LDLRAD4: variants seen among roughly 807,000 people sequenced by gnomAD.
LDLRAD4 encodes low density lipoprotein receptor class A domain containing 4, also known as low-density lipoprotein receptor class A domain-containing protein 4.
In LDLRAD4, 5 loss-of-function variants were observed where a neutral mutation model predicts 17.0. The ratio of observed to expected loss-of-function variants is 0.29; its 90% confidence interval spans 0.15 to 0.62. LDLRAD4 has a LOEUF of 0.62. LDLRAD4 is among the 20% of genes least tolerant of loss of function. LDLRAD4 has a pLI of 0.84. For synonymous variants in LDLRAD4, 168 were observed against 171.8 expected (o/e 0.98, Z 0.17); for missense variants, 340 against 424.7 (o/e 0.80, Z 1.75).
chr18:13,642,067 C>T (rs903739433), intron 4 of LDLRAD4: 2 of 985,458 alleles, frequency 2.0e-6, no homozygotes, highest in Non-Finnish European at 2.4e-6. Context: ...AGGCCGGGCC[C>T]TTCCCTCCCG....
intron 3 of LDLRAD4, among the ~76,000 whole-genome samples, chr18:13,510,240 G>A (rs2093756472): frequency 1.3e-5 from 2 of 152,138 alleles, no homozygotes; most frequent in East Asian, 1.9e-4. Context: ...TAGCCTCTCC[G>A]TGGTTAGATC....
chr18:13,431,178 G>A (rs1189073776), intron 2 of LDLRAD4, among the ~76,000 whole-genome samples: 1 of 152,148 alleles, frequency 6.6e-6, no homozygotes, highest in African/African-American at 2.4e-5. Flanking sequence ...TTATTAAAGT[G>A]ACCCCAGCAT....
chr18:13,626,224 G>C (rs892812447), intron 4 of LDLRAD4, among the ~76,000 whole-genome samples: 3 of 152,170 alleles, frequency 2.0e-5, no homozygotes, highest in African/African-American at 7.2e-5. Flanking sequence ...AGCCTGGTTT[G>C]TGTGACTTCT....
intron 3 of LDLRAD4, among the ~76,000 whole-genome samples, chr18:13,620,509 A>G (rs1601756515): frequency 1.3e-5 from 2 of 152,160 alleles, no homozygotes; most frequent in African/African-American, 2.4e-5. Context: ...GGTCTGGCTC[A>G]CCTGCTTCCA....
At chr18:13,293,672 C>CT (rs1251328796) in intron 1 of LDLRAD4, among the ~76,000 whole-genome samples, 11 of 152,322 alleles carry the variant, frequency 7.2e-5, no homozygotes, top group African/African-American at 2.4e-4. Flanking sequence ...TTTACAAAGT[C>CT]TGACTGTCTC....
chr18:13,612,027 C>T, intron 3 of LDLRAD4: 1 of 985,514 alleles, frequency 1.0e-6, no homozygotes. Context: ...GCACGCGAGC[C>T]TAACGTGAGC....
At chr18:13,403,453 C>T (rs2087414247) in intron 2 of LDLRAD4, among the ~76,000 whole-genome samples, 1 of 152,176 alleles carries the variant, frequency 6.6e-6, no homozygotes, top group African/African-American at 2.4e-5. Flanking sequence ...CATCTGAGAA[C>T]AGATAGCAAA....
chr18:13,452,254 AGG>A (rs2091881334), intron 3 of LDLRAD4, among the ~76,000 whole-genome samples: 1 of 152,158 alleles, frequency 6.6e-6, no homozygotes, highest in Non-Finnish European at 1.5e-5. Flanking sequence ...CCGGCACAGC[AGG>A]GTCCCAGTGT....
intron 1 of LDLRAD4, among the ~76,000 whole-genome samples, chr18:13,373,057 T>C (rs773303292): frequency 3.3e-5 from 5 of 152,216 alleles, no homozygotes; most frequent in Non-Finnish European, 7.3e-5. Flanking sequence ...GAGCTGGGTG[T>C]AAGCACATCT....
chr18:13,553,842 G>A (rs368854569), intron 3 of LDLRAD4, among the ~76,000 whole-genome samples: 2 of 152,070 alleles, frequency 1.3e-5, no homozygotes, highest in East Asian at 1.9e-4. Context: ...CCTTGCGAGC[G>A]TGTCTATGAC....
intron 1 of LDLRAD4, among the ~76,000 whole-genome samples, chr18:13,349,292 C>T (rs192014326): frequency 6.6e-6 from 1 of 152,214 alleles, no homozygotes; most frequent in South Asian, 2.1e-4. Context: ...GCTCCATCTC[C>T]TACTATGTAT....
chr18:13,467,603 A>G (rs1439764692), intron 3 of LDLRAD4, among the ~76,000 whole-genome samples: 3 of 152,242 alleles, frequency 2.0e-5, no homozygotes, highest in Admixed American at 6.5e-5. Flanking sequence ...TACAATCCCT[A>G]TCAAAATTCT....
intron 4 of LDLRAD4, among the ~76,000 whole-genome samples, chr18:13,624,321 T>A (rs1050925308): frequency 1.3e-5 from 2 of 152,150 alleles, no homozygotes; most frequent in Non-Finnish European, 1.5e-5. Flanking sequence ...GAGTTTGGGG[T>A]CTGGTCTGGG....
Position 13,367,486 on chromosome 18 carries a change from G to A in LDLRAD4, c.-382-19855G>A, listed in dbSNP as rs2084143291. Among the ~76,000 whole-genome samples, 1 of 152,172 alleles carries A rather than the reference G, an allele frequency of 6.6e-6. No homozygotes were observed. Among genetic ancestry groups the A allele is most frequent in the Admixed American group, 6.5e-5 (1 of 15,288 alleles). ...TTTTGGAGGTGCACTGTATGCTCAG[G>A]AAGGATTCAGTGCACACCAGGCAGC... On this transcript the variant is annotated intron_variant, in intron 1 of 5. Transcript: ENST00000359446. The surrounding 1 kb of genome is among the most constrained non-coding windows in gnomAD (Gnocchi z 4.1).
chr18:13,387,155 A>G (rs1296272099), intron 1 of LDLRAD4, among the ~76,000 whole-genome samples, 186 bp from the exon 3 acceptor site: 1 of 152,178 alleles, frequency 6.6e-6, no homozygotes, highest in Non-Finnish European at 1.5e-5. Context: ...TTGAACCTTA[A>G]GAGGAGCATA....
At chr18:13,362,251 G>A (rs1449085470) in intron 1 of LDLRAD4, 1 of 152,256 alleles carries the variant, frequency 6.6e-6, no homozygotes, top group Non-Finnish European at 1.5e-5. Flanking sequence ...TAGTCTGTCA[G>A]TGTGGACTGA....
At chr18:13,268,884 T>C (rs2044367703) in intron 1 of LDLRAD4, among the ~76,000 whole-genome samples, 1 of 152,248 alleles carries the variant, frequency 6.6e-6, no homozygotes, top group Admixed American at 6.5e-5. Flanking sequence ...ATTTAAAAAA[T>C]GAAGACAGTA....
chr18:13,326,284 T>G (rs1383571006), intron 1 of LDLRAD4, among the ~76,000 whole-genome samples: 1 of 152,138 alleles, frequency 6.6e-6, no homozygotes, highest in African/African-American at 2.4e-5. Context: ...GAGGGGCAGG[T>G]GGGCTGTAAG....
Position 13,536,987 on chromosome 18 carries a change from T to C in LDLRAD4, c.182-84130T>C, listed in dbSNP as rs148231566. 2.6e-3 allele frequency among the ~76,000 whole-genome samples: 400 copies of C among 152,346 alleles called. 2 individuals are homozygous for C. The highest frequency in any genetic ancestry group is 9.2e-3 in the African/African-American group (384 of 41,580). On this transcript the variant is annotated intron_variant, in intron 3 of 5. Transcript: ENST00000359446. ...TGGGATAAATCCCATTTGGCCATGA[T>C]GTATTATTCCTTTTATATATTGTTA...
Sources: allele counts gnomAD v4.1 joint callset (sites outside exome capture counted in the v4.1 genomes callset), GRCh38; gene constraint gnomAD v4.1.1; non-coding constraint Gnocchi (gnomAD v3.1); transcripts MANE v1.5; gene names NCBI Gene and HGNC (gene_info 2026-07-23, HGNC 2026-07-21).